SRCIN1: variants seen among roughly 807,000 people sequenced by gnomAD.
SRCIN1 encodes the protein SRC kinase signaling inhibitor 1.
In SRCIN1, 50 loss-of-function variants were observed where a neutral mutation model predicts 116.2. The observed-to-expected ratio is 0.43, with a 90% CI of 0.34 to 0.54. SRCIN1 has a LOEUF of 0.54. Among genes scored for constraint, SRCIN1 ranks in the 20% least tolerant of loss-of-function variants. The probability of loss-of-function intolerance (pLI) is 0.02; values close to 1 mark genes in which losing one functional copy is unlikely to be tolerated. For synonymous variants in SRCIN1, 736 were observed against 750.0 expected (o/e 0.98, Z 0.30); for missense variants, 1,446 against 1,672.0 (o/e 0.86, Z 2.36).
In SRCIN1 at chr17:38,561,716, C is replaced by A. The variant is rs1238265751; in HGVS notation, c.1447G>T (p.Ala483Ser). 2.0e-6 allele frequency: 3 copies of A among 1,532,612 alleles called. No individual in the cohort carries two copies. Among genetic ancestry groups the A allele is most frequent in the African/African-American group, 1.4e-5 (1 of 71,512 alleles). 94.9% of individuals were successfully genotyped at this position (1,532,612 alleles called of 1,614,324 possible). ...SSPQKLADVAAPPGGPPPPHS... is the reference protein window; with the variant it reads ...SSPQKLADVASPPGGPPPPHS... Reference sequence around the variant, plus strand: ...GGTGGCGGGGGACCTCCGGGGGGTGCTGCCACGTCGGCCAGCTTCTGCGGT... The same window carrying A: ...GGTGGCGGGGGACCTCCGGGGGGTGATGCCACGTCGGCCAGCTTCTGCGGT... Residue 483 changes from alanine to serine, a missense_variant, in exon 7 of 19, where the codon GCA (alanine) becomes TCA (serine). Transcript: ENST00000617146.
At chr17:38,579,257 TG>T (rs1460748545) in intron 1 of SRCIN1, among the ~76,000 whole-genome samples, 2 of 152,074 alleles carry the variant, frequency 1.3e-5, no homozygotes, top group African/African-American at 4.8e-5. Flanking sequence ...CCTTTGAGGT[TG>T]GGGGCGGGGA....
intron 1 of SRCIN1, among the ~76,000 whole-genome samples, chr17:38,598,533 G>T (rs1294498069): frequency 6.6e-6 from 1 of 152,118 alleles, no homozygotes; most frequent in Non-Finnish European, 1.5e-5. Context: ...TGAGTCTGGG[G>T]GCCCCTCTAT....
chr17:38,563,250 C>T lies in SRCIN1; in HGVS notation c.740+73G>A. ...GGGTCAGGAAGGAGCTGGGGAAGGG[C>T]CGGCGGGGTCCAGCACCCTGCAGAG... On this transcript the variant is annotated intron_variant, in intron 5 of 18. Transcript: ENST00000617146. This position sits in a 1 kb window ranked among gnomAD's most constrained non-coding sequence, Gnocchi z 5.8. 1.3e-6 allele frequency: 2 copies of T among 1,514,344 alleles called. No individual in the cohort carries two copies. Among genetic ancestry groups the T allele is most frequent in the Non-Finnish European group, 1.8e-6 (2 of 1,122,682 alleles). 93.8% of individuals were successfully genotyped at this position (1,514,344 alleles called of 1,614,324 possible).
chr17:38,598,958 G>A (rs553249412), intron 1 of SRCIN1, among the ~76,000 whole-genome samples: 2 of 152,204 alleles, frequency 1.3e-5, no homozygotes, highest in East Asian at 1.9e-4. Context: ...GTGTGCCTTC[G>A]GAACAGGAGG....
Position 38,552,170 on chromosome 17 carries a change from C to A in SRCIN1, c.2481-38G>T. Reference sequence around the variant, plus strand: ...GAGTTGGGAGCAGCTGTGAGGCCAGCAGGTGGTGACCCTTCTGCAGGAAGG... The same window carrying A: ...GAGTTGGGAGCAGCTGTGAGGCCAGAAGGTGGTGACCCTTCTGCAGGAAGG... On this transcript the variant is annotated intron_variant, in intron 13 of 18. Transcript: ENST00000617146. This position sits in a 1 kb window ranked among gnomAD's most constrained non-coding sequence, Gnocchi z 5.3. 6.3e-7 allele frequency: 1 copy of A among 1,582,734 alleles called. No individual in the cohort carries two copies.
Position 38,561,707 on chromosome 17 carries a change from CG to C in SRCIN1, c.1455del (p.Gly486GlufsTer201). On this transcript the variant is annotated frameshift_variant, in exon 7 of 19. Coordinates refer to ENST00000617146, the MANE Select transcript of SRCIN1 (RefSeq NM_025248.3). LOFTEE classifies it high-confidence loss of function. Reference sequence around the variant, plus strand: ...GGGCTGTGCGGTGGCGGGGGACCTCCGGGGGGTGCTGCCACGTCGGCCAGCT... The same window carrying C: ...GGGCTGTGCGGTGGCGGGGGACCTCCGGGGGTGCTGCCACGTCGGCCAGCT... The part of the protein sequence containing the change: ...PQKLADVAAP[P>X]GGPPPPHSPY... The C allele has an allele frequency of 7.2e-6, 11 of 1,535,774 alleles. No homozygotes were observed. Among genetic ancestry groups the C allele is most frequent in the Admixed American group, 1.9e-5 (1 of 51,542 alleles).
In SRCIN1 at chr17:38,563,600, G is replaced by C; in HGVS notation, c.542-79C>G. On this transcript the variant is annotated intron_variant, in intron 4 of 18. Coordinates refer to ENST00000617146, the MANE Select transcript of SRCIN1 (RefSeq NM_025248.3). The surrounding 1 kb of genome is among the most constrained non-coding windows in gnomAD (Gnocchi z 5.8). Reference sequence around the variant, plus strand: ...CCAGGAGAGCGCGGGGAGCTTTTCGGAGCTGCGCCAGCCCCGCAGCGGCAG... The same window carrying C: ...CCAGGAGAGCGCGGGGAGCTTTTCGCAGCTGCGCCAGCCCCGCAGCGGCAG... 1 of 1,519,976 alleles carries C rather than the reference G, an allele frequency of 6.6e-7. No individual in the cohort carries two copies. The highest frequency in any genetic ancestry group is 2.5e-5 in the East Asian group (1 of 40,776). 94.2% of individuals were successfully genotyped at this position (1,519,976 alleles called of 1,614,324 possible).
chr17:38,571,626 A>G (rs995573609), intron 2 of SRCIN1, among the ~76,000 whole-genome samples: 3 of 152,172 alleles, frequency 2.0e-5, no homozygotes, highest in African/African-American at 7.2e-5. Flanking sequence ...AAGACAGTGA[A>G]AGGGGGAAAT....
At chr17:38,548,916 G>A in intron 16 of SRCIN1, 140 bp downstream of exon 16, 1 of 1,242,484 alleles carries the variant, frequency 8.0e-7, no homozygotes, top group South Asian at 1.6e-5. Context: ...GCAGGACAAA[G>A]TCGCCACCGG....
chr17:38,549,196 G>A lies in SRCIN1; in HGVS notation c.2977C>T (p.Pro993Ser), dbSNP rs768837866. 1.3e-6 allele frequency: 2 copies of A among 1,542,606 alleles called. No individual in the cohort carries two copies. The highest frequency in any genetic ancestry group is 2.3e-5 in the East Asian group (1 of 42,884). The change falls in exon 16 of 19, where the codon CCC becomes TCC. Residue 993 changes from proline (P) to serine (S), a missense_variant. Around this residue, in one of 5 missense-constraint regions of SRCIN1, gnomAD observed 531 missense variants for 633.9 expected, o/e 0.84. Transcript: ENST00000617146. The part of the protein sequence containing the change: ...GRRGSDELTV[P>S]RYRTEKPSKS... ...GAGGGCTTCTCTGTGCGGTATCGGG[G>A]CACGGTCAACTCATCTGCAGGCACC... is the stretch of plus-strand genomic sequence containing the variant.
At chr17:38,533,622 G>A (rs570427015) in intron 18 of SRCIN1, among the ~76,000 whole-genome samples, 191 bp from the exon 19 acceptor site, 1 of 149,070 alleles carries the variant, frequency 6.7e-6, no homozygotes, top group South Asian at 2.2e-4. Flanking sequence ...AAAAGGGGGG[G>A]GAGGGGGCAC....
intron 1 of SRCIN1, among the ~76,000 whole-genome samples, chr17:38,590,227 G>A (rs1306481927): frequency 1.3e-5 from 2 of 152,200 alleles, no homozygotes; most frequent in Non-Finnish European, 2.9e-5. Context: ...ATATGGACCA[G>A]CCATGAAATG....
At chr17:38,548,505 G>A in intron 17 of SRCIN1, 52 bp downstream of exon 17, 1 of 1,598,202 alleles carries the variant, frequency 6.3e-7, no homozygotes, top group Non-Finnish European at 8.5e-7. Flanking sequence ...GGCAGCCTGG[G>A]AGGGAAGGGG....
In SRCIN1 at chr17:38,585,808, A is replaced by G. The variant is rs1908080802; in HGVS notation, c.23-7017T>C. Among the ~76,000 whole-genome samples the G allele has an allele frequency of 2.6e-5, 4 of 152,216 alleles. 1 individual carries two copies. The South Asian group carries it at 8.3e-4, about 31-fold the overall frequency. ...CCTGTTGAGTCTCCCTGTCACTCCA[A>G]CTAAAGCCTCGGAGATGAGGGCGTG... On this transcript the variant is annotated intron_variant, in intron 1 of 18. Coordinates refer to ENST00000617146, the MANE Select transcript of SRCIN1 (RefSeq NM_025248.3). This position sits in a 1 kb window ranked among gnomAD's most constrained non-coding sequence, Gnocchi z 4.2.
At chr17:38,533,472 G>C (rs1011455158) in intron 18 of SRCIN1, 41 bp from the exon 19 acceptor site, 4 of 1,585,874 alleles carry the variant, frequency 2.5e-6, no homozygotes, top group Non-Finnish European at 3.4e-6. Context: ...GAGCGGAAGG[G>C]AGCGCCTCCA....
intron 1 of SRCIN1, among the ~76,000 whole-genome samples, chr17:38,580,454 G>A (rs1907726277): frequency 6.6e-6 from 1 of 152,076 alleles, no homozygotes; most frequent in Non-Finnish European, 1.5e-5. Context: ...CTGCCTCATG[G>A]CTGCATGCTT....
chr17:38,603,043 C>CA (rs746861678), intron 1 of SRCIN1, among the ~76,000 whole-genome samples: 4 of 152,294 alleles, frequency 2.6e-5, no homozygotes, highest in Admixed American at 6.5e-5. Flanking sequence ...CCAAGGTTGG[C>CA]ATAGGCAGAT....
At chr17:38,599,725 C>G (rs890681992) in intron 1 of SRCIN1, among the ~76,000 whole-genome samples, 14 of 152,176 alleles carry the variant, frequency 9.2e-5, no homozygotes, top group African/African-American at 3.4e-4. Context: ...TTATGTTTGC[C>G]CACCCCCAGC....
chr17:38,564,275 C>T lies in SRCIN1; in HGVS notation c.384G>A (p.Gly128=), dbSNP rs1906511750. The T allele has an allele frequency of 1.3e-6, 2 of 1,572,004 alleles. No homozygotes were observed. The highest frequency in any genetic ancestry group is 1.3e-5 in the African/African-American group (1 of 74,114). The change falls in exon 4 of 19, where the codon GGG becomes GGA. Residue 128 remains glycine (G), a synonymous_variant. Coordinates refer to ENST00000617146, the MANE Select transcript of SRCIN1 (RefSeq NM_025248.3). ...SSRHTQGAQP[G]LADQAAKLSY... ...ACAGCTTTGCCGCCTGGTCTGCCAG[C>T]CCGGGCTGGGCTCCCTGAGTGTGGC... is the stretch of plus-strand genomic sequence containing the variant.
Sources: gnomAD v4.1 joint callset for allele counts (sites outside exome capture counted in the v4.1 genomes callset) on GRCh38, gnomAD v4.1.1 for gene constraint, gnomAD v4.1.1 regional missense constraint, Gnocchi (gnomAD v3.1) non-coding constraint, MANE v1.5 for transcripts, NCBI Gene and HGNC (gene_info 2026-07-23, HGNC 2026-07-21) for gene names.